ITFG1: variants seen among roughly 807,000 people sequenced by gnomAD.
ITFG1 encodes the protein T-cell immunomodulatory protein.
A neutral mutation model predicts 81.8 loss-of-function variants in ITFG1; 34 were observed. The ratio of observed to expected loss-of-function variants is 0.42; its 90% CI spans 0.32 to 0.55. ITFG1 has a LOEUF of 0.55. Among genes scored for constraint, ITFG1 ranks in the 20% least tolerant of loss-of-function variants. The pLI, the probability that ITFG1 is intolerant of heterozygous loss-of-function variation, is 0.17. For synonymous variants in ITFG1, 285 were observed against 270.6 expected, an observed-to-expected ratio of 1.05 and a Z score of -0.52; for missense variants, 672 against 755.4, an observed-to-expected ratio of 0.89 and a Z score of 1.29.
chr16:47,285,737 T>A (rs973784922), intron 10 of ITFG1, among the ~76,000 whole-genome samples: 4 of 152,154 alleles, frequency 2.6e-5, no homozygotes, highest in African/African-American at 9.7e-5. Flanking sequence ...AGGAAAAACA[T>A]AGGCAGAGAG....
At chr16:47,214,512 A>G (rs1965602011) in intron 14 of ITFG1, among the ~76,000 whole-genome samples, 1 of 152,198 alleles carries the variant, frequency 6.6e-6, no homozygotes, top group Non-Finnish European at 1.5e-5. Context: ...TGTTTAGGCA[A>G]TTTGGATGCC....
chr16:47,301,408 T>TC (rs1486504883), intron 10 of ITFG1, among the ~76,000 whole-genome samples: 1 of 151,364 alleles, frequency 6.6e-6, no homozygotes, highest in Non-Finnish European at 1.5e-5. Flanking sequence ...TTCTTCTTCT[T>TC]CTTTTTTTTT....
chr16:47,408,865 G>A (rs997755138), intron 6 of ITFG1, among the ~76,000 whole-genome samples: 1 of 152,274 alleles, frequency 6.6e-6, no homozygotes. Context: ...GAGGACCTCA[G>A]AGAGGTTTTG....
chr16:47,162,828 C>A, intron 14 of ITFG1, 164 bp from the exon 15 acceptor site: 1 of 597,328 alleles, frequency 1.7e-6, no homozygotes, highest in Non-Finnish European at 2.7e-6. Flanking sequence ...TCACTTTTTT[C>A]TTTTTTTGAG....
intron 10 of ITFG1, among the ~76,000 whole-genome samples, chr16:47,266,145 C>T (rs1351453858): frequency 6.6e-6 from 1 of 152,156 alleles, no homozygotes; most frequent in African/African-American, 2.4e-5. Context: ...AATTAGCCAT[C>T]AGAGAACTCC....
rs558401819 is a variant in ITFG1, at chr16:47,394,529, T to A, written c.656-18589A>T. 8.6e-4 allele frequency among the ~76,000 whole-genome samples: 131 copies of A among 152,148 alleles called. 1 individual carries two copies. The highest frequency in any genetic ancestry group is 3.0e-3 in the African/African-American group (124 of 41,512). The stretch of plus-strand genomic sequence containing the variant: ...ACACACACTGTCTTTGAGAATTCTG[T>A]CAAAAGTACTGTGTCATGTGGACTA... On this transcript the variant is annotated intron_variant, in intron 6 of 17. Coordinates refer to ENST00000320640, the MANE Select transcript of ITFG1 (RefSeq NM_030790.5).
Position 47,311,325 on chromosome 16 carries a change from G to T in ITFG1, c.985C>A (p.Pro329Thr). ...CCAATATGAAGGGTAATTGGAATTG[G>T]TATTTCAGTTGGTTGCTGTTCATCC... Reference protein sequence around the residue: ...FVDEQQPTEIPIPITLHIGDY... With the variant: ...FVDEQQPTEITIPITLHIGDY... The change falls in exon 10 of 18, where the codon CCA becomes ACA. Residue 329 changes from proline (P) to threonine (T), a missense_variant. Transcript: ENST00000320640. 6.2e-7 allele frequency: 1 copy of T among 1,613,294 alleles called. No individual in the cohort carries two copies. Among genetic ancestry groups the T allele is most frequent in the Non-Finnish European group, 8.5e-7 (1 of 1,179,326 alleles).
intron 8 of ITFG1, among the ~76,000 whole-genome samples, chr16:47,361,825 C>A (rs1250822729): frequency 6.6e-6 from 1 of 152,158 alleles, no homozygotes; most frequent in Non-Finnish European, 1.5e-5. Context: ...TTCTGACCAC[C>A]TTTTAGCACC....
intron 5 of ITFG1, among the ~76,000 whole-genome samples, chr16:47,442,327 CTACTT>C (rs1207397931): frequency 6.6e-6 from 1 of 152,104 alleles, no homozygotes; most frequent in Middle Eastern, 3.2e-3. Context: ...TTGGAAAAGA[CTACTT>C]TAAAGTTCAT....
intron 14 of ITFG1, among the ~76,000 whole-genome samples, chr16:47,185,468 C>G (rs369739884): frequency 1.3e-5 from 2 of 152,236 alleles, no homozygotes; most frequent in South Asian, 4.2e-4. Flanking sequence ...CACTCAAAAC[C>G]GCTCAACTAC....
chr16:47,178,116 C>T (rs1373315164), intron 14 of ITFG1, among the ~76,000 whole-genome samples: 2 of 152,186 alleles, frequency 1.3e-5, no homozygotes, highest in Non-Finnish European at 2.9e-5. Flanking sequence ...CTTGTTAAAT[C>T]ATACAGCTTA....
intron 6 of ITFG1, among the ~76,000 whole-genome samples, chr16:47,403,885 A>G (rs982388319): frequency 1.3e-5 from 2 of 151,310 alleles, no homozygotes; most frequent in African/African-American, 4.9e-5. Context: ...ATGGACCAGA[A>G]CTGGTTAGGA....
chr16:47,289,811 A>T (rs1966887025), intron 10 of ITFG1, among the ~76,000 whole-genome samples: 1 of 151,736 alleles, frequency 6.6e-6, no homozygotes, highest in East Asian at 1.9e-4. Context: ...TGCTTCATTC[A>T]TCCTGTTGTT....
intron 5 of ITFG1, among the ~76,000 whole-genome samples, chr16:47,446,362 C>G (rs1567503514): frequency 6.6e-6 from 1 of 152,190 alleles, no homozygotes; most frequent in Non-Finnish European, 1.5e-5. Context: ...TTAAGGACCT[C>G]TCAGCAATAA....
chr16:47,417,599 T>A (rs982510225), intron 6 of ITFG1, among the ~76,000 whole-genome samples: 6 of 152,216 alleles, frequency 3.9e-5, no homozygotes, highest in Non-Finnish European at 4.4e-5. Flanking sequence ...TGAGATAAAC[T>A]CTTTTAGCTC....
intron 14 of ITFG1, among the ~76,000 whole-genome samples, chr16:47,210,587 C>CT (rs1201681408): frequency 1.3e-5 from 2 of 152,144 alleles, no homozygotes; most frequent in African/African-American, 4.8e-5. Context: ...TCTAAGGACT[C>CT]TTTGCCAAGC....
At chr16:47,241,591 A>G (rs1175206451) in intron 12 of ITFG1, among the ~76,000 whole-genome samples, 1 of 152,244 alleles carries the variant, frequency 6.6e-6, no homozygotes, top group Non-Finnish European at 1.5e-5. Context: ...AAATGTCCAG[A>G]ATAGGCAAAT....
intron 14 of ITFG1, among the ~76,000 whole-genome samples, chr16:47,195,813 G>A (rs748450453): frequency 6.6e-6 from 1 of 151,972 alleles, no homozygotes; most frequent in African/African-American, 2.4e-5. Context: ...ATAGGTATAC[G>A]TGTGCCATGG....
chr16:47,189,347 C>G (rs1965264783), intron 14 of ITFG1, among the ~76,000 whole-genome samples: 1 of 152,136 alleles, frequency 6.6e-6, no homozygotes, highest in South Asian at 2.1e-4. Flanking sequence ...ACCCCACACC[C>G]AAGAGCACTT....
Sources: allele counts gnomAD v4.1 joint callset (sites outside exome capture counted in the v4.1 genomes callset), GRCh38; gene constraint gnomAD v4.1.1; transcripts MANE v1.5; gene names NCBI Gene and HGNC (gene_info 2026-07-23, HGNC 2026-07-21).